The following UVRAG variants were observed in gnomAD, a reference collection of about 807,000 sequenced individuals.
The protein encoded by UVRAG is UV radiation resistance-associated gene protein.
Under a neutral mutation model 78.0 loss-of-function variants are expected in UVRAG, and 19 were observed. The ratio of observed to expected loss-of-function variants is 0.24; its 90% confidence interval spans 0.17 to 0.36. UVRAG has a LOEUF of 0.36. Among genes scored for constraint, UVRAG ranks in the 10% least tolerant of loss-of-function variants. The pLI, the probability that UVRAG is intolerant of heterozygous loss-of-function variation, is 1.00. For synonymous variants in UVRAG, 323 were observed against 324.6 expected, an observed-to-expected ratio of 1.00 and a Z score of 0.05; for missense variants, 740 against 853.8, an observed-to-expected ratio of 0.87 and a Z score of 1.66.
At chr11:75,977,569 T>C (rs1949272297) in intron 7 of UVRAG, among the ~76,000 whole-genome samples, 1 of 152,204 alleles carries the variant, frequency 6.6e-6, no homozygotes, top group Non-Finnish European at 1.5e-5. Context: ...ATTGGGTGCA[T>C]ATATATTTAG....
intron 6 of UVRAG, among the ~76,000 whole-genome samples, chr11:75,941,421 G>T (rs77435082): frequency 0.089 from 13,504 of 151,998 alleles, 1,023 homozygotes; most frequent in African/African-American, 0.21. Flanking sequence ...TACAGGTTGA[G>T]CATCCCTTAG....
At chr11:75,982,592 T>C (rs999410163) in intron 7 of UVRAG, among the ~76,000 whole-genome samples, 4 of 152,116 alleles carry the variant, frequency 2.6e-5, no homozygotes, top group Non-Finnish European at 4.4e-5. Context: ...TGGGACTCGT[T>C]TGGTTACTGC....
intron 5 of UVRAG, among the ~76,000 whole-genome samples, chr11:75,894,526 C>G (rs1428554813): frequency 1.3e-5 from 2 of 151,888 alleles, no homozygotes; most frequent in Non-Finnish European, 2.9e-5. Context: ...AAATTTTGGT[C>G]AAGTGTACAT....
At chr11:76,034,716 G>C (rs182504273) in intron 12 of UVRAG, among the ~76,000 whole-genome samples, 1 of 151,984 alleles carries the variant, frequency 6.6e-6, no homozygotes, top group Non-Finnish European at 1.5e-5. Context: ...AGCAAAGACT[G>C]GTGTTAATAA....
At chr11:75,817,450 A>G (rs953536402) in intron 1 of UVRAG, among the ~76,000 whole-genome samples, 1 of 152,180 alleles carries the variant, frequency 6.6e-6, no homozygotes, top group Admixed American at 6.5e-5. Context: ...CGAGGGATAT[A>G]TAGTGGCTTA....
At chr11:75,850,817 G>T (rs988923411) in intron 1 of UVRAG, among the ~76,000 whole-genome samples, 13 of 152,132 alleles carry the variant, frequency 8.5e-5, no homozygotes, top group Admixed American at 7.2e-4. Context: ...TACATTTGAG[G>T]CTTTTCATAC....
chr11:75,879,088 A>G (rs181860753), intron 3 of UVRAG, among the ~76,000 whole-genome samples: 18 of 152,308 alleles, frequency 1.2e-4, no homozygotes, highest in African/African-American at 4.1e-4. Context: ...AATGAGAAAT[A>G]ATGTTCTTTC....
At chr11:76,095,071 G>A (rs181350823) in intron 13 of UVRAG, among the ~76,000 whole-genome samples, 121 of 152,260 alleles carry the variant, frequency 7.9e-4, no homozygotes, top group African/African-American at 2.9e-3. Flanking sequence ...AAGTGCCTTT[G>A]CCCTTAATTG....
chr11:75,905,933 G>A (rs1358006792), intron 5 of UVRAG, among the ~76,000 whole-genome samples: 2 of 151,794 alleles, frequency 1.3e-5, no homozygotes, highest in Non-Finnish European at 2.9e-5. Context: ...ATAGCAATAT[G>A]TGAGGGTTCT....
Position 75,834,268 on chromosome 11 carries a change from G to A in UVRAG, c.118-17615G>A, listed in dbSNP as rs941545991. Among the ~76,000 whole-genome samples the A allele has an allele frequency of 3.9e-5, 6 of 151,968 alleles. No individual in the cohort carries two copies. The South Asian group carries it at 8.3e-4, about 21-fold the overall frequency. On this transcript the variant is annotated intron_variant, in intron 1 of 14. Coordinates refer to ENST00000356136, the MANE Select transcript of UVRAG (RefSeq NM_003369.4). ...ACCCTGCTCCCTTAAAAAAAAAATAGGACATTCCTCATTTTCTGTTTATCT... is the reference window on the plus strand; with the variant it reads ...ACCCTGCTCCCTTAAAAAAAAAATAAGACATTCCTCATTTTCTGTTTATCT...
chr11:76,096,214 G>A (rs1951782897), intron 13 of UVRAG, among the ~76,000 whole-genome samples: 1 of 152,102 alleles, frequency 6.6e-6, no homozygotes, highest in Non-Finnish European at 1.5e-5. Context: ...GGGAAACCAA[G>A]GATCCCTTCT....
rs181876517 is a variant in UVRAG at position 75,984,527 on chromosome 11, G to A, written c.826+1014G>A. ...CAACTTACAATGGGTTTATCAGGAT[G>A]TATCCCCATGGTAAGTTATGGAGAA... On this transcript the variant is annotated intron_variant, in intron 8 of 14. Coordinates refer to ENST00000356136, the MANE Select transcript of UVRAG (RefSeq NM_003369.4). Among the ~76,000 whole-genome samples the A allele has an allele frequency of 2.0e-4, 30 of 152,282 alleles. 1 individual carries two copies. Among genetic ancestry groups the A allele is most frequent in the Middle Eastern group, 6.8e-3 (2 of 294 alleles).
At chr11:75,862,691 G>A (rs1057402483) in intron 3 of UVRAG, among the ~76,000 whole-genome samples, 1 of 152,172 alleles carries the variant, frequency 6.6e-6, no homozygotes, top group Non-Finnish European at 1.5e-5. Context: ...ATCTCATCTA[G>A]AGCAGTTCTC....
intron 12 of UVRAG, among the ~76,000 whole-genome samples, chr11:76,028,386 G>C (rs1950370746): frequency 6.6e-6 from 1 of 152,080 alleles, no homozygotes; most frequent in South Asian, 2.1e-4. Flanking sequence ...CAAGTGAAAG[G>C]AAGAGTTCCA....
chr11:75,904,785 C>CAGTT (rs112396749), intron 5 of UVRAG, among the ~76,000 whole-genome samples: 16,700 of 152,044 alleles, frequency 0.11, 1,782 homozygotes, highest in African/African-American at 0.28. Flanking sequence ...AACATATTAA[C>CAGTT]AGCTAACGTT....
intron 12 of UVRAG, among the ~76,000 whole-genome samples, chr11:76,063,736 T>C (rs1951135505): frequency 1.3e-5 from 2 of 152,354 alleles, no homozygotes; most frequent in African/African-American, 4.8e-5. Context: ...TGTGGTGTTA[T>C]GGACCTGCTT....
chr11:76,074,963 GT>G (rs1261574663), intron 13 of UVRAG, among the ~76,000 whole-genome samples: 1 of 152,166 alleles, frequency 6.6e-6, no homozygotes, highest in Non-Finnish European at 1.5e-5. Flanking sequence ...GGGAACCCCT[GT>G]TCTGCCAAGG....
rs111557433 is a variant in UVRAG at position 75,950,736 on chromosome 11, G to A, written c.594-10708G>A. ...GGTATTGCCAGTTTTGTAAGTTCTA[G>A]CCATTATAATAGGCTTGTAGTAGTG... On this transcript the variant is annotated intron_variant, in intron 6 of 14. Transcript: ENST00000356136. 5.1e-3 allele frequency among the ~76,000 whole-genome samples: 773 copies of A among 152,202 alleles called. 8 individuals are homozygous for A. The highest frequency in any genetic ancestry group is 0.017 in the African/African-American group (711 of 41,522).
chr11:75,928,915 C>T (rs1204210721), intron 6 of UVRAG, among the ~76,000 whole-genome samples: 1 of 110,244 alleles, frequency 9.1e-6, no homozygotes, highest in Non-Finnish European at 1.7e-5. Context: ...GCACTCCAGC[C>T]TGGGCGACAG....
Sources: gnomAD v4.1 joint callset for allele counts (sites outside exome capture counted in the v4.1 genomes callset) on GRCh38, gnomAD v4.1.1 for gene constraint, MANE v1.5 for transcripts, NCBI Gene and HGNC (gene_info 2026-07-23, HGNC 2026-07-21) for gene names.